The following ENPP1 variants were observed in gnomAD, a reference collection of about 807,000 sequenced individuals.
ENPP1 encodes ectonucleotide pyrophosphatase/phosphodiesterase family member 1.
ENPP1 carries 73 observed loss-of-function variants against 122.8 expected under a neutral mutation model. That is an observed-to-expected ratio of 0.59 (90% CI 0.49 to 0.72). The LOEUF (loss-of-function observed/expected upper bound fraction) is 0.72, where lower values mean the gene tolerates loss of function less well. Ranked by LOEUF, ENPP1 falls within the 30% of genes least tolerant of loss-of-function variation. The pLI, the probability that ENPP1 is intolerant of heterozygous loss-of-function variation, is 0.00. For missense variants in ENPP1, 978 were observed against 1,128.1 expected, an observed-to-expected ratio of 0.87 and a Z score of 1.91; for synonymous variants, 367 against 391.6, an observed-to-expected ratio of 0.94 and a Z score of 0.74.
At chr6:131,823,846 T>A (rs1215819161) in intron 1 of ENPP1, among the ~76,000 whole-genome samples, 1 of 151,798 alleles carries the variant, frequency 6.6e-6, no homozygotes, top group African/African-American at 2.4e-5. Flanking sequence ...TCCCTTAACT[T>A]CTCTGTGTCA....
At chr6:131,811,376 ATATATC>A (rs56938500) in intron 1 of ENPP1, among the ~76,000 whole-genome samples, 22,083 of 131,112 alleles carry the variant, frequency 0.17, 1,919 homozygotes, top group East Asian at 0.29. Flanking sequence ...ATCTATATCT[ATATATC>A]TATATCTATA....
At position 131,872,029 on chromosome 6, in the gene ENPP1, T is replaced by C. The variant is rs762040148; in HGVS notation, c.1406-41T>C. On this transcript the variant is annotated intron_variant, in intron 13 of 24. Coordinates refer to ENST00000647893, the MANE Select transcript of ENPP1 (RefSeq NM_006208.3). ...TTTTTGTATTATGTTTTAATTATAG[T>C]ATACAATCAACTATTAATTCTTATG... 7 of 1,386,744 alleles carry C rather than the reference T, an allele frequency of 5.0e-6. No individual in the cohort carries two copies. The East Asian group carries it at 1.1e-4, about 23-fold the overall frequency. 85.9% of individuals were successfully genotyped at this position (1,386,744 alleles called of 1,614,324 possible). A position where few individuals can be genotyped will look rare whatever the true frequency, so the allele number is the denominator to read the frequency against.
At chr6:131,874,658 C>T (rs1465556135) in intron 16 of ENPP1, among the ~76,000 whole-genome samples, 1 of 151,988 alleles carries the variant, frequency 6.6e-6, no homozygotes, top group Admixed American at 6.6e-5. Flanking sequence ...AAAAATGAAA[C>T]TACCCCTAAT....
At chr6:131,810,741 T>G (rs115118463) in intron 1 of ENPP1, among the ~76,000 whole-genome samples, 2,293 of 152,344 alleles carry the variant, frequency 0.015, 67 homozygotes, top group African/African-American at 0.053. Flanking sequence ...GCCTTGCCTT[T>G]CAGAGGCAAT....
chr6:131,848,058 G>A (rs1368072051), intron 2 of ENPP1, among the ~76,000 whole-genome samples: 1 of 152,080 alleles, frequency 6.6e-6, no homozygotes, highest in Non-Finnish European at 1.5e-5. Flanking sequence ...AACATGGCCG[G>A]GGGTTCTGAT....
intron 21 of ENPP1, among the ~76,000 whole-genome samples, chr6:131,883,306 T>G (rs1427530716): frequency 6.6e-6 from 1 of 152,230 alleles, no homozygotes; most frequent in African/African-American, 2.4e-5. Context: ...TGTGATGTTT[T>G]TTCTGGGTAG....
intron 3 of ENPP1, 92 bp from the exon 4 acceptor site, chr6:131,851,050 T>C: frequency 2.1e-6 from 3 of 1,417,234 alleles, no homozygotes; most frequent in Non-Finnish European, 3.0e-6. Context: ...TTGTTGCTCA[T>C]GGATCATACT....
chr6:131,851,328 A>G, intron 4 of ENPP1, 61 bp downstream of exon 4: 2 of 1,609,214 alleles, frequency 1.2e-6, no homozygotes, highest in Middle Eastern at 1.7e-4. Context: ...GCGGGGCTTT[A>G]CATAGGTGTT....
At chr6:131,832,630 A>T (rs1404954504) in intron 1 of ENPP1, among the ~76,000 whole-genome samples, 2 of 152,206 alleles carry the variant, frequency 1.3e-5, no homozygotes, top group Non-Finnish European at 2.9e-5. Context: ...TCAGGAGTCC[A>T]CGAAAGGCTT....
chr6:131,842,233 C>T (rs1434839636), intron 1 of ENPP1, among the ~76,000 whole-genome samples: 1 of 152,212 alleles, frequency 6.6e-6, no homozygotes, highest in African/African-American at 2.4e-5. Context: ...AAGTGCCCGG[C>T]ACGTAGGAAT....
At chr6:131,889,024 G>C (rs565199497) in intron 24 of ENPP1, among the ~76,000 whole-genome samples, 52 of 152,252 alleles carry the variant, frequency 3.4e-4, no homozygotes, top group African/African-American at 1.0e-3. Context: ...TTTGGCCCAC[G>C]TGGGCTTCTT....
intron 1 of ENPP1, among the ~76,000 whole-genome samples, chr6:131,843,521 C>T (rs994586490): frequency 1.1e-4 from 16 of 152,132 alleles, no homozygotes; most frequent in African/African-American, 3.1e-4. Flanking sequence ...AGTAGTTTTC[C>T]TGTCCATCTA....
chr6:131,860,976 A>T (rs1036732682), intron 8 of ENPP1, among the ~76,000 whole-genome samples: 12 of 152,158 alleles, frequency 7.9e-5, no homozygotes, highest in Non-Finnish European at 1.6e-4. Flanking sequence ...ATTTAAAAAA[A>T]TTTTTTAAAA....
intron 9 of ENPP1, among the ~76,000 whole-genome samples, 200 bp from the exon 10 acceptor site, chr6:131,864,306 T>C (rs553524699): frequency 6.6e-6 from 1 of 152,246 alleles, no homozygotes; most frequent in South Asian, 2.1e-4. Flanking sequence ...TAAATCCAAT[T>C]GCAATTTTTA....
At chr6:131,874,754 G>A (rs1562182120) in intron 16 of ENPP1, among the ~76,000 whole-genome samples, 8 of 151,940 alleles carry the variant, frequency 5.3e-5, no homozygotes. Context: ...GTTTATCGCA[G>A]CACTATTCAC....
rs1004604946 is a variant in ENPP1 at position 131,864,996 on chromosome 6, G to T, written c.1164+58G>T. On this transcript the variant is annotated intron_variant, in intron 11 of 24. Transcript: ENST00000647893. ...AAACCCAGTCATCAAACTGAACCTC[G>T]CTTTGAAGGAGGCTGCTAGACCATT... 8.4e-6 allele frequency: 9 copies of T among 1,068,240 alleles called. No individual in the cohort carries two copies. In the East Asian group the frequency reaches 1.2e-4, roughly 14 times the overall value. 66.2% of individuals were successfully genotyped at this position (1,068,240 alleles called of 1,614,324 possible). A position where few individuals can be genotyped will look rare whatever the true frequency, so the allele number is the denominator to read the frequency against.
At chr6:131,882,283 A>G in intron 20 of ENPP1, 62 bp from the exon 21 acceptor site, 1 of 1,448,884 alleles carries the variant, frequency 6.9e-7, no homozygotes, top group Non-Finnish European at 9.6e-7. Context: ...TTTAAATATT[A>G]ATAAAGCAAT....
At chr6:131,883,802 A>C (rs371670481) in intron 22 of ENPP1, 28 bp downstream of exon 22, 2 of 1,118,722 alleles carry the variant, frequency 1.8e-6, no homozygotes, top group South Asian at 2.5e-5. Context: ...TATATTTGAT[A>C]ATTTTAATGA....
At chr6:131,877,912 GTAGTT>G (rs1782256439) in intron 18 of ENPP1, 1 of 121,202 alleles carries the variant, frequency 8.3e-6, no homozygotes, top group Non-Finnish European at 1.6e-5. Context: ...AATTTGGAGA[GTAGTT>G]TATTTCATGC....
Sources: gnomAD v4.1 joint callset for allele counts (sites outside exome capture counted in the v4.1 genomes callset) on GRCh38, gnomAD v4.1.1 for gene constraint, MANE v1.5 for transcripts, NCBI Gene and HGNC (gene_info 2026-07-23, HGNC 2026-07-21) for gene names.